The following SMARCA2 variants were observed in gnomAD, a reference collection of about 807,000 sequenced individuals.
The protein encoded by SMARCA2 is SWI/SNF related BAF chromatin remodeling complex subunit ATPase 2.
A neutral mutation model predicts 199.8 loss-of-function variants in SMARCA2; 61 were observed. That is an observed-to-expected ratio of 0.31 (90% CI 0.25 to 0.38). The LOEUF (loss-of-function observed/expected upper bound fraction) is 0.38, where lower values mean the gene tolerates loss of function less well. Among genes scored for constraint, SMARCA2 ranks in the 10% least tolerant of loss-of-function variants. The pLI is 1.00. For missense variants in SMARCA2, 1,344 were observed against 2,012.2 expected (o/e 0.67, Z 6.35); for synonymous variants, 935 against 732.0 (o/e 1.28, Z -4.48).
chr9:2,066,417 A>G (rs1208963745), intron 9 of SMARCA2, among the ~76,000 whole-genome samples: 1 of 152,200 alleles, frequency 6.6e-6, no homozygotes, highest in African/African-American at 2.4e-5. Context: ...TGCAAGGAAG[A>G]TGGGTAGCCA....
intron 27 of SMARCA2, chr9:2,157,653 A>G (rs1490250460): frequency 2.7e-6 from 1 of 375,084 alleles, no homozygotes; most frequent in East Asian, 3.8e-5. Flanking sequence ...GTTCCACTGT[A>G]AGGACTGTGC....
chr9:2,084,270 T>TAG, intron 17 of SMARCA2, 74 bp downstream of exon 17: 1 of 756,486 alleles, frequency 1.3e-6, no homozygotes, highest in Non-Finnish European at 2.2e-6. Context: ...CCCAAGTCAG[T>TAG]AGTGTAATTG....
At chr9:2,162,188 T>C (rs1563815129) in intron 28 of SMARCA2, among the ~76,000 whole-genome samples, 4 of 152,240 alleles carry the variant, frequency 2.6e-5, no homozygotes, top group Admixed American at 6.5e-5. Flanking sequence ...TGAAATACCA[T>C]CTGAAAATGA....
intron 2 of SMARCA2, among the ~76,000 whole-genome samples, chr9:2,031,843 C>A (rs935241526): frequency 1.3e-5 from 2 of 152,114 alleles, no homozygotes; most frequent in African/African-American, 4.8e-5. Flanking sequence ...AGTTTTATTT[C>A]TTCTCTTATT....
intron 9 of SMARCA2, among the ~76,000 whole-genome samples, chr9:2,069,391 C>G (rs1194444610): frequency 6.6e-6 from 1 of 151,190 alleles, no homozygotes; most frequent in East Asian, 2.0e-4. Context: ...CCCGTCTCCA[C>G]TAAAAAAATA....
intron 29 of SMARCA2, among the ~76,000 whole-genome samples, chr9:2,171,232 G>A (rs569326679): frequency 5.5e-4 from 83 of 152,096 alleles, no homozygotes; most frequent in African/African-American, 1.9e-3. Flanking sequence ...TCTCCATTTC[G>A]GTCAACCTGT....
chr9:2,049,211 G>A (rs1325524993), intron 5 of SMARCA2, among the ~76,000 whole-genome samples: 1 of 152,128 alleles, frequency 6.6e-6, no homozygotes, highest in Non-Finnish European at 1.5e-5. Flanking sequence ...ATGTGTGTGT[G>A]CACAAGTGTG....
At chr9:2,129,846 C>T (rs1484645388) in intron 27 of SMARCA2, among the ~76,000 whole-genome samples, 1 of 152,146 alleles carries the variant, frequency 6.6e-6, no homozygotes, top group Non-Finnish European at 1.5e-5. Context: ...GAACCCAGGA[C>T]AAAGACCAGA....
intron 10 of SMARCA2, 130 bp from the exon 11 acceptor site, chr9:2,073,082 G>C: frequency 9.6e-7 from 1 of 1,042,080 alleles, no homozygotes; most frequent in Non-Finnish European, 1.4e-6. Flanking sequence ...ACACTCATTA[G>C]GTAGTGAAAT....
At chr9:2,186,645 C>T (rs903325721) in intron 32 of SMARCA2, among the ~76,000 whole-genome samples, 21 of 152,168 alleles carry the variant, frequency 1.4e-4, no homozygotes, top group Non-Finnish European at 2.6e-4. Flanking sequence ...CCTGCCTCAG[C>T]CTCCCGAGTA....
intron 27 of SMARCA2, among the ~76,000 whole-genome samples, chr9:2,143,034 A>G (rs183157157): frequency 2.6e-5 from 4 of 152,316 alleles, no homozygotes; most frequent in African/African-American, 9.6e-5. Flanking sequence ...ATTTTAAAAC[A>G]AAAGAAACTT....
intron 27 of SMARCA2, among the ~76,000 whole-genome samples, chr9:2,138,339 C>G (rs1563795004): frequency 6.7e-6 from 1 of 148,792 alleles, no homozygotes; most frequent in Non-Finnish European, 1.5e-5. Context: ...TTGTCAGAAT[C>G]ATGGAAAATT....
chr9:2,142,610 A>G lies in SMARCA2; in HGVS notation c.3981+18673A>G, dbSNP rs76103300. Among the ~76,000 whole-genome samples the G allele has an allele frequency of 2.1e-3, 325 of 152,338 alleles. 6 individuals are homozygous for G. The East Asian group carries it at 0.056, about 26-fold the overall frequency. ...CTATAAATGTTATTTAATAGCCTGT[A>G]GAGTTGAACGTCTTCAAGCCGTTTA... On this transcript the variant is annotated intron_variant, in intron 27 of 33. Coordinates refer to ENST00000349721, the MANE Select transcript of SMARCA2 (RefSeq NM_003070.5).
chr9:2,050,328 T>C (rs947136990), intron 5 of SMARCA2, among the ~76,000 whole-genome samples: 2 of 152,110 alleles, frequency 1.3e-5, no homozygotes, highest in African/African-American at 2.4e-5. Flanking sequence ...ACTGCTTTTT[T>C]TTTTTCTTTT....
rs1417910530 is a variant in SMARCA2 at position 2,104,913 on chromosome 9, G to A, written c.3292+744G>A. Among the ~76,000 whole-genome samples the A allele has an allele frequency of 1.3e-5, 2 of 152,146 alleles. No homozygotes were observed. The highest frequency in any genetic ancestry group is 4.8e-5 in the African/African-American group (2 of 41,442). On this transcript the variant is annotated intron_variant, in intron 23 of 33. Transcript: ENST00000349721. The surrounding 1 kb of genome is among the most constrained non-coding windows in gnomAD (Gnocchi z 4.0). Reference sequence around the variant, plus strand: ...TATGGCATTCAAAGAGTGGTAAGTAGGAATAGAAGTTAATTTACAGTCAGG... The same window carrying A: ...TATGGCATTCAAAGAGTGGTAAGTAAGAATAGAAGTTAATTTACAGTCAGG...
At chr9:2,025,151 T>C (rs1818772059) in intron 1 of SMARCA2, among the ~76,000 whole-genome samples, 1 of 152,160 alleles carries the variant, frequency 6.6e-6, no homozygotes, top group Non-Finnish European at 1.5e-5. Context: ...CTCTGGGGCC[T>C]CTTCTTTTTA....
intron 19 of SMARCA2, among the ~76,000 whole-genome samples, chr9:2,090,232 C>A (rs1050502371): frequency 6.6e-6 from 1 of 152,140 alleles, no homozygotes; most frequent in African/African-American, 2.4e-5. Context: ...TGAAATGTAT[C>A]TACCCTCAAA....
chr9:2,087,326 G>T (rs1183981922), intron 18 of SMARCA2: 2 of 467,452 alleles, frequency 4.3e-6, no homozygotes, highest in African/African-American at 3.9e-5. Flanking sequence ...ACCAGAAAAG[G>T]GTCCCAACCG....
intron 27 of SMARCA2, among the ~76,000 whole-genome samples, chr9:2,141,347 T>A (rs1179584755): frequency 6.6e-6 from 1 of 152,148 alleles, no homozygotes; most frequent in African/African-American, 2.4e-5. Flanking sequence ...GGAGTATGGT[T>A]TTTGGATTTC....
Sources: allele counts gnomAD v4.1 joint callset (sites outside exome capture counted in the v4.1 genomes callset), GRCh38; gene constraint gnomAD v4.1.1; non-coding constraint Gnocchi (gnomAD v3.1); transcripts MANE v1.5; gene names NCBI Gene and HGNC (gene_info 2026-07-23, HGNC 2026-07-21).